The following CNTNAP2 variants were observed in gnomAD, a reference collection of about 807,000 sequenced individuals.
CNTNAP2 encodes contactin associated protein 2, also known as contactin-associated protein-like 2.
In CNTNAP2, 98 loss-of-function variants were observed where a neutral mutation model predicts 155.2. The observed-to-expected ratio is 0.63, with a 90% CI of 0.54 to 0.75. CNTNAP2 has a LOEUF of 0.75. Ranked by LOEUF, CNTNAP2 falls within the 30% of genes least tolerant of loss-of-function variation. The pLI, the probability that CNTNAP2 is intolerant of heterozygous loss-of-function variation, is 0.00. For synonymous variants in CNTNAP2, 651 were observed against 631.2 expected, an observed-to-expected ratio of 1.03 and a Z score of -0.47; for missense variants, 1,727 against 1,688.1, an observed-to-expected ratio of 1.02 and a Z score of -0.40.
At chr7:146,972,715 A>T (rs574874525) in intron 3 of CNTNAP2, among the ~76,000 whole-genome samples, 38 of 152,314 alleles carry the variant, frequency 2.5e-4, no homozygotes, top group African/African-American at 8.9e-4. Flanking sequence ...GTTTGGAGGT[A>T]AATGTTCTGC....
intron 11 of CNTNAP2, among the ~76,000 whole-genome samples, chr7:147,524,225 T>C (rs1467153274): frequency 6.6e-6 from 1 of 152,116 alleles, no homozygotes; most frequent in African/African-American, 2.4e-5. Flanking sequence ...CTTTGTTCAG[T>C]TGAAAAATAG....
At chr7:147,163,611 T>C (rs1802068186) in intron 8 of CNTNAP2, among the ~76,000 whole-genome samples, 1 of 148,018 alleles carries the variant, frequency 6.8e-6, no homozygotes, top group African/African-American at 2.5e-5. Flanking sequence ...AATTTTTATA[T>C]GGCTATCTTA....
chr7:147,323,462 C>G (rs3094539), intron 9 of CNTNAP2, among the ~76,000 whole-genome samples: 68,229 of 143,886 alleles, frequency 0.47, 17,102 homozygotes, highest in East Asian at 0.71. Context: ...AATTTCTGTT[C>G]TTTTACATTT....
At chr7:147,957,815 C>T (rs909452804) in intron 14 of CNTNAP2, among the ~76,000 whole-genome samples, 1 of 152,078 alleles carries the variant, frequency 6.6e-6, no homozygotes, top group African/African-American at 2.4e-5. Flanking sequence ...TGTCTTATGC[C>T]TATAATCTCA....
intron 21 of CNTNAP2, among the ~76,000 whole-genome samples, chr7:148,321,379 A>G (rs1797788301): frequency 6.6e-6 from 1 of 152,212 alleles, no homozygotes; most frequent in South Asian, 2.1e-4. Context: ...TACTGTTGCC[A>G]TCAGGGAGCT....
intron 13 of CNTNAP2, among the ~76,000 whole-genome samples, chr7:147,864,903 T>A (rs568675876): frequency 6.6e-6 from 1 of 152,176 alleles, no homozygotes; most frequent in Non-Finnish European, 1.5e-5. Flanking sequence ...CTTTTCCTAA[T>A]TGAATGCCCT....
At chr7:146,860,237 T>C (rs756470815) in intron 3 of CNTNAP2, among the ~76,000 whole-genome samples, 9 of 152,194 alleles carry the variant, frequency 5.9e-5, no homozygotes, top group Non-Finnish European at 1.2e-4. Context: ...CAGTATGTTT[T>C]TAAAAAGTGG....
chr7:147,490,984 C>T (rs1428406138), intron 11 of CNTNAP2, among the ~76,000 whole-genome samples: 3 of 152,140 alleles, frequency 2.0e-5, no homozygotes, highest in Non-Finnish European at 4.4e-5. Flanking sequence ...GAACTTCGCC[C>T]ATGATCCAAT....
In CNTNAP2 at chr7:148,295,769, A is replaced by G. The variant is rs186875007; in HGVS notation, c.3475+28643A>G. ...GCCTCCCAAAGTGCTGGGATTCCAG[A>G]CATGAGCCAACGCGCCCGGCCTCAA... On this transcript the variant is annotated intron_variant, in intron 21 of 23. Transcript: ENST00000361727. Among the ~76,000 whole-genome samples the G allele has an allele frequency of 2.2e-3, 333 of 152,216 alleles. 3 individuals are homozygous for G. The highest frequency in any genetic ancestry group is 7.6e-3 in the African/African-American group (315 of 41,526).
intron 8 of CNTNAP2, among the ~76,000 whole-genome samples, chr7:147,211,544 C>A (rs1334454415): frequency 1.3e-5 from 2 of 151,836 alleles, no homozygotes; most frequent in African/African-American, 4.8e-5. Context: ...TGACAAGTCA[C>A]CAAAAAATTA....
intron 17 of CNTNAP2, among the ~76,000 whole-genome samples, chr7:148,161,072 G>A (rs1438203960): frequency 6.6e-6 from 1 of 152,022 alleles, no homozygotes; most frequent in African/African-American, 2.4e-5. Flanking sequence ...CCCCTCCAAG[G>A]ATATCTTTAT....
chr7:147,730,467 G>C (rs932839455), intron 13 of CNTNAP2, among the ~76,000 whole-genome samples: 30 of 152,030 alleles, frequency 2.0e-4, no homozygotes, highest in African/African-American at 6.8e-4. Flanking sequence ...TTTGTGATCA[G>C]TGACCTTTGA....
At chr7:147,649,972 T>A (rs1440876171) in intron 13 of CNTNAP2, among the ~76,000 whole-genome samples, 1 of 152,124 alleles carries the variant, frequency 6.6e-6, no homozygotes, top group African/African-American at 2.4e-5. Context: ...TTTATCTTTA[T>A]GAATATTACT....
At chr7:147,820,991 T>C (rs1798351208) in intron 13 of CNTNAP2, among the ~76,000 whole-genome samples, 1 of 152,148 alleles carries the variant, frequency 6.6e-6, no homozygotes, top group Non-Finnish European at 1.5e-5. Flanking sequence ...TACAGATTAA[T>C]ATGTCTAGCT....
At chr7:146,344,538 G>A (rs963259087) in intron 1 of CNTNAP2, among the ~76,000 whole-genome samples, 8 of 139,432 alleles carry the variant, frequency 5.7e-5, no homozygotes, top group Non-Finnish European at 9.1e-5. Context: ...GGAGTTCAAT[G>A]GCATGATCTC....
intron 9 of CNTNAP2, 128 bp from the exon 10 acceptor site, chr7:147,395,480 TA>T: frequency 1.1e-6 from 1 of 915,876 alleles, no homozygotes; most frequent in African/African-American, 1.6e-5. Context: ...ACACTGAATA[TA>T]ACATCAGCAA....
intron 10 of CNTNAP2, among the ~76,000 whole-genome samples, chr7:147,424,415 G>A (rs1166156041): frequency 3.9e-5 from 6 of 152,136 alleles, no homozygotes; most frequent in East Asian, 3.9e-4. Flanking sequence ...AAATCATTCC[G>A]TCTTTCTTGA....
chr7:148,266,405 C>T (rs1001733458), intron 20 of CNTNAP2, among the ~76,000 whole-genome samples: 6 of 152,174 alleles, frequency 3.9e-5, no homozygotes, highest in African/African-American at 1.4e-4. Context: ...ACCATTGGCA[C>T]TTTGTCCACG....
At chr7:147,547,484 C>T (rs1226478211) in intron 11 of CNTNAP2, among the ~76,000 whole-genome samples, 1 of 152,178 alleles carries the variant, frequency 6.6e-6, no homozygotes, top group Non-Finnish European at 1.5e-5. Flanking sequence ...TGCTAGGGGG[C>T]AGCAGCGCTG....
Sources: allele counts gnomAD v4.1 joint callset (sites outside exome capture counted in the v4.1 genomes callset), GRCh38; gene constraint gnomAD v4.1.1; transcripts MANE v1.5; gene names NCBI Gene and HGNC (gene_info 2026-07-23, HGNC 2026-07-21).